DEDD2: variants seen among roughly 807,000 people sequenced by gnomAD.
DEDD2 encodes death effector domain containing 2.
In DEDD2, 18 loss-of-function variants were observed where a neutral mutation model predicts 28.9. That is an observed-to-expected ratio of 0.62 (90% CI 0.43 to 0.92). The LOEUF is 0.92. Ranked by LOEUF, DEDD2 falls within the 40% of genes least tolerant of loss-of-function variation. The pLI is 0.00. For missense variants in DEDD2, 411 were observed against 463.3 expected (o/e 0.89, Z 1.04); for synonymous variants, 211 against 206.1 (o/e 1.02, Z -0.20).
At chr19:42,209,025 G>A (rs912382468) in intron 4 of DEDD2, among the ~76,000 whole-genome samples, 7 of 152,286 alleles carry the variant, frequency 4.6e-5, no homozygotes, top group Admixed American at 3.3e-4. Context: ...ATCACTTGAG[G>A]TCAGGAGTTC....
In DEDD2 at chr19:42,199,324, G is replaced by T; in HGVS notation, c.*114C>A. On this transcript the variant is annotated 3_prime_UTR_variant, in exon 5 of 5. Coordinates refer to ENST00000596251, the MANE Select transcript of DEDD2 (RefSeq NM_133328.4). The surrounding 1 kb of genome is among the most constrained non-coding windows in gnomAD (Gnocchi z 7.4). ...TCAAGGGGCCTGCTGTCCCGGTCCT[G>T]TCGCAGTCCTCAAAGATGCTAGAGT... is the stretch of plus-strand genomic sequence containing the variant. 5 of 1,394,430 alleles carry T rather than the reference G, an allele frequency of 3.6e-6. No individual in the cohort carries two copies. The highest frequency in any genetic ancestry group is 4.7e-6 in the Non-Finnish European group (5 of 1,062,150). 86.4% of individuals were successfully genotyped at this position (1,394,430 alleles called of 1,614,324 possible).
intron 3 of DEDD2, among the ~76,000 whole-genome samples, chr19:42,210,795 G>A: frequency 6.6e-6 from 1 of 151,964 alleles, no homozygotes; most frequent in Non-Finnish European, 1.5e-5. Context: ...GCCGCACACG[G>A]TGTGGCTCCC....
At position 42,207,049 on chromosome 19, in the gene DEDD2, A is replaced by G. The variant is rs1049771164; in HGVS notation, c.589+2651T>C. On this transcript the variant is annotated intron_variant, in intron 4 of 4. Coordinates refer to ENST00000596251, the MANE Select transcript of DEDD2 (RefSeq NM_133328.4). Reference sequence around the variant, plus strand: ...CTGAAGCCTCCCTTGGCCTGTTCCTATCTTCCTTGAGGCAATGACTCCCTC... The same window carrying G: ...CTGAAGCCTCCCTTGGCCTGTTCCTGTCTTCCTTGAGGCAATGACTCCCTC... Among the ~76,000 whole-genome samples the G allele has an allele frequency of 5.3e-5, 8 of 151,932 alleles. No individual in the cohort carries two copies. In the East Asian group the frequency reaches 1.5e-3, roughly 29 times the overall value.
upstream of DEDD2, among the ~76,000 whole-genome samples, chr19:42,219,702 T>C (rs1349238158): frequency 6.6e-6 from 1 of 152,246 alleles, no homozygotes; most frequent in African/African-American, 2.4e-5. Context: ...TACGGAAGCA[T>C]AGTCCTGGGC....
intron 3 of DEDD2, among the ~76,000 whole-genome samples, chr19:42,213,998 C>T (rs541467039): frequency 1.3e-5 from 2 of 152,156 alleles, no homozygotes; most frequent in Non-Finnish European, 2.9e-5. Context: ...AGGGGTAAAG[C>T]ATCCTGATGT....
intron 4 of DEDD2, among the ~76,000 whole-genome samples, chr19:42,200,135 A>G (rs2035274300): frequency 6.6e-6 from 1 of 152,080 alleles, no homozygotes; most frequent in Non-Finnish European, 1.5e-5. Context: ...CTTGCCAACA[A>G]GGCCCACCTA....
chr19:42,213,779 G>C (rs1445868974), intron 3 of DEDD2, among the ~76,000 whole-genome samples: 1 of 151,596 alleles, frequency 6.6e-6, no homozygotes, highest in East Asian at 1.9e-4. Flanking sequence ...AAGGTATGGG[G>C]TGTAGGGGCA....
At chr19:42,210,926 T>G (rs556679227) in intron 3 of DEDD2, among the ~76,000 whole-genome samples, 7 of 151,458 alleles carry the variant, frequency 4.6e-5, no homozygotes, top group Admixed American at 2.6e-4. Context: ...AAAAATCAGC[T>G]GGGCGTGGTG....
intron 3 of DEDD2, among the ~76,000 whole-genome samples, chr19:42,211,153 C>T (rs568596303): frequency 3.3e-5 from 5 of 151,840 alleles, no homozygotes; most frequent in Non-Finnish European, 5.9e-5. Flanking sequence ...GTAATCCCAG[C>T]CTACGCCCTA....
rs764202872 is a variant in DEDD2 at position 42,216,804 on chromosome 19, G to A, written c.204C>T (p.Leu68=). Residue 68 remains leucine (L), a synonymous_variant, in exon 2 of 5, where the codon CTC becomes CTT. Transcript: ENST00000596251. ...GLARARSGLE[L]LLELERRGQC... ...GCCCGCGGCGCTCCAGCTCCAGCAG[G>A]AGCTCTAGGCCGCTGCGGGCCCGGG... The A allele has an allele frequency of 2.5e-6, 4 of 1,584,716 alleles. No individual in the cohort carries two copies. In the East Asian group the frequency reaches 9.3e-5, roughly 37 times the overall value.
intron 4 of DEDD2, among the ~76,000 whole-genome samples, chr19:42,206,016 G>A (rs562959653): frequency 1.1e-4 from 16 of 151,716 alleles, no homozygotes; most frequent in Non-Finnish European, 7.4e-5. Context: ...CCTGGGAAGC[G>A]GAGGCTGCAG....
intron 4 of DEDD2, chr19:42,204,615 G>C (rs1186674261): frequency 6.6e-6 from 1 of 152,568 alleles, no homozygotes; most frequent in Non-Finnish European, 1.5e-5. Context: ...ACAGTCTCAG[G>C]TATTTCTTTA....
chr19:42,216,562 G>T, intron 2 of DEDD2, 118 bp downstream of exon 2: 1 of 1,019,582 alleles, frequency 9.8e-7, no homozygotes, highest in Non-Finnish European at 1.4e-6. Flanking sequence ...AGAGAGAGTA[G>T]CAGAATGGGA....
Position 42,215,156 on chromosome 19 carries a change from G to T in DEDD2, c.425C>A (p.Ser142Tyr), listed in dbSNP as rs771845080. 5 of 1,614,008 alleles carry T rather than the reference G, an allele frequency of 3.1e-6. No individual in the cohort carries two copies. The South Asian group carries it at 3.3e-5, about 11-fold the overall frequency. Residue 142 changes from serine to tyrosine, a missense_variant, in exon 3 of 5, where the codon TCT (serine) becomes TAT (tyrosine). Ser to Tyr is a moderately radical substitution (Grantham distance 144). This residue lies in a region of DEDD2 where 282 missense variants were observed against 273.4 expected (regional missense o/e 1.03). Coordinates refer to ENST00000596251, the MANE Select transcript of DEDD2 (RefSeq NM_133328.4). Reference sequence around the variant, plus strand: ...ACCTGTCTCCCACTGACCCTGCTGAGAATTTGCAGAACTGCTTGACTGCCG... The same window carrying T: ...ACCTGTCTCCCACTGACCCTGCTGATAATTTGCAGAACTGCTTGACTGCCG... ...RRRQSSSSAN[S>Y]QQGQWETGSP...
chr19:42,213,503 C>T (rs1240370550), intron 3 of DEDD2, among the ~76,000 whole-genome samples: 2 of 152,104 alleles, frequency 1.3e-5, no homozygotes. Flanking sequence ...TTTCCCACAT[C>T]GGAAAAGCCA....
chr19:42,206,065 C>T (rs1377732496), intron 4 of DEDD2, among the ~76,000 whole-genome samples: 6 of 147,984 alleles, frequency 4.1e-5, no homozygotes, highest in South Asian at 2.1e-4. Flanking sequence ...GCCTGGGCGA[C>T]GGAGACCCTG....
At chr19:42,201,974 C>T (rs1338035744) in intron 4 of DEDD2, 2 of 398,660 alleles carry the variant, frequency 5.0e-6, no homozygotes. Context: ...GGCCAGGTGG[C>T]GGAGTCCAAC....
upstream of DEDD2, among the ~76,000 whole-genome samples, chr19:42,218,905 A>C (rs987180300): frequency 2.0e-5 from 3 of 151,976 alleles, no homozygotes; most frequent in African/African-American, 7.3e-5. Context: ...TGAAATCCCA[A>C]CTACTTGGGA....
intron 2 of DEDD2, among the ~76,000 whole-genome samples, chr19:42,215,610 G>A (rs564108866): frequency 2.0e-5 from 3 of 152,232 alleles, no homozygotes; most frequent in South Asian, 2.1e-4. Flanking sequence ...CTTCTAGAGC[G>A]TGATCTTCAG....
Sources: gnomAD v4.1 joint callset for allele counts (sites outside exome capture counted in the v4.1 genomes callset) on GRCh38, gnomAD v4.1.1 for gene constraint, gnomAD v4.1.1 regional missense constraint, Gnocchi (gnomAD v3.1) non-coding constraint, MANE v1.5 for transcripts, NCBI Gene and HGNC (gene_info 2026-07-23, HGNC 2026-07-21) for gene names.